Variants in TBC1D2 observed in about 807,000 individuals in gnomAD.
TBC1D2 encodes the protein TBC1 domain family member 2A.
A neutral mutation model predicts 91.1 loss-of-function variants in TBC1D2; 58 were observed. The observed-to-expected ratio is 0.64, with a 90% confidence interval of 0.52 to 0.79. The LOEUF (loss-of-function observed/expected upper bound fraction) is 0.79. TBC1D2 is among the 30% of genes least tolerant of loss of function. The pLI is 0.00. For synonymous variants in TBC1D2, 482 were observed against 511.5 expected (o/e 0.94, Z 0.78); for missense variants, 1,080 against 1,208.3 (o/e 0.89, Z 1.57).
In TBC1D2 at chr9:98,209,159, GCACGTTAGCAA is replaced by G; in HGVS notation, c.1674-26_1674-16del. On this transcript the variant is annotated splice_polypyrimidine_tract_variant and intron_variant, in intron 8 of 12. Coordinates refer to ENST00000465784, the MANE Select transcript of TBC1D2 (RefSeq NM_001267571.2). ...CATCATACTTACTGCCAGCAAAAGT[GCACGTTAGCAA>G]CACCTTGCAGAGCCCTTCCCTAGAT... The G allele has an allele frequency of 6.2e-7, 1 of 1,601,290 alleles. No individual in the cohort carries two copies.
intron 6 of TBC1D2, among the ~76,000 whole-genome samples, chr9:98,218,191 C>A (rs147208824): frequency 1.2e-3 from 188 of 152,156 alleles, no homozygotes; most frequent in African/African-American, 4.4e-3. Flanking sequence ...AAACACTGGG[C>A]CTCTGAGGAT....
chr9:98,247,728 C>CAAAAAAAAAAAA (rs58713846), intron 2 of TBC1D2, among the ~76,000 whole-genome samples: 57 of 70,832 alleles, frequency 8.0e-4, no homozygotes, highest in Middle Eastern at 7.7e-3. Flanking sequence ...GACTCCGTCT[C>CAAAAAAAAAAAA]AAAAAAAAAA....
At position 98,255,553 on chromosome 9, in the gene TBC1D2, G is replaced by A. The variant is rs1287637020; in HGVS notation, c.-12C>T. The A allele has an allele frequency of 1.3e-6, 2 of 1,498,956 alleles. No homozygotes were observed. The highest frequency in any genetic ancestry group is 1.4e-5 in the African/African-American group (1 of 71,592). The allele number at this position is 1,498,956 out of a possible 1,614,324, so 92.9% of individuals were successfully genotyped here. The stretch of plus-strand genomic sequence containing the variant: ...CCAGCGCCCTCCATCGCTGCCAGCC[G>A]GAGACTGCGGAGGGACGAGGGGTCC... On this transcript the variant is annotated 5_prime_UTR_variant, in exon 1 of 13. Transcript: ENST00000465784.
intron 6 of TBC1D2, among the ~76,000 whole-genome samples, chr9:98,219,290 G>C (rs374021846): frequency 6.6e-6 from 1 of 152,256 alleles, no homozygotes; most frequent in East Asian, 1.9e-4. Flanking sequence ...AAAGAGGTCA[G>C]TCTGACTTCA....
At chr9:98,229,402 G>A (rs1829314944) in intron 4 of TBC1D2, among the ~76,000 whole-genome samples, 1 of 152,218 alleles carries the variant, frequency 6.6e-6, no homozygotes, top group Non-Finnish European at 1.5e-5. Flanking sequence ...TTATTGCACT[G>A]TGCTGGCCCA....
At chr9:98,229,237 G>C in intron 4 of TBC1D2, 89 bp from the exon 5 acceptor site, 1 of 1,241,378 alleles carries the variant, frequency 8.1e-7, no homozygotes, top group South Asian at 1.4e-5. Context: ...TGGAGGGCTT[G>C]TTAAAATGCG....
At chr9:98,222,930 T>C (rs1426960973) in intron 5 of TBC1D2, among the ~76,000 whole-genome samples, 1 of 152,166 alleles carries the variant, frequency 6.6e-6, no homozygotes, top group African/African-American at 2.4e-5. Flanking sequence ...CTAGTGACCA[T>C]CCTTTCTCTG....
rs1023675098 is a variant in TBC1D2, at chr9:98,200,151, G to A, written c.2579+102C>T. 30 of 1,497,282 alleles carry A rather than the reference G, an allele frequency of 2.0e-5. No homozygotes were observed. In the Admixed American group the frequency reaches 2.9e-4, roughly 15 times the overall value. The allele number at this position is 1,497,282 out of a possible 1,614,324, so 92.7% of individuals were successfully genotyped here. A position where few individuals can be genotyped will look rare whatever the true frequency, so the allele number is the denominator to read the frequency against. On this transcript the variant is annotated intron_variant, in intron 12 of 12. Coordinates refer to ENST00000465784, the MANE Select transcript of TBC1D2 (RefSeq NM_001267571.2). The stretch of plus-strand genomic sequence containing the variant: ...TCTAAGCTATAATACGAGCATCAGC[G>A]TCACTTACCAATCTCTACTTGGCAA...
Position 98,255,587 on chromosome 9 carries a change from A to T in TBC1D2, c.-46T>A. 6.9e-7 allele frequency: 1 copy of T among 1,453,754 alleles called. No homozygotes were observed. Among genetic ancestry groups the T allele is most frequent in the Middle Eastern group, 2.1e-4 (1 of 4,720 alleles). 90.1% of individuals were successfully genotyped at this position (1,453,754 alleles called of 1,614,324 possible). A position where few individuals can be genotyped will look rare whatever the true frequency, so the allele number is the denominator to read the frequency against. ...GGAGGGACGAGGGGTCCGCGGGACCACCAGGGACAAATCTCGGAGACTCGG... is the reference window on the plus strand; with the variant it reads ...GGAGGGACGAGGGGTCCGCGGGACCTCCAGGGACAAATCTCGGAGACTCGG... On this transcript the variant is annotated 5_prime_UTR_variant, in exon 1 of 13. Transcript: ENST00000465784.
Position 98,237,324 on chromosome 9 carries a change from G to T in TBC1D2, c.648-3775C>A, listed in dbSNP as rs753150932. On this transcript the variant is annotated intron_variant, in intron 3 of 12. Coordinates refer to ENST00000465784, the MANE Select transcript of TBC1D2 (RefSeq NM_001267571.2). ...ATTGCGCCACTGCACTCTAGTCTGG[G>T]TGACAGAGCAAGACTGTCTCAAAAA... is the stretch of plus-strand genomic sequence containing the variant. 5.4e-4 allele frequency among the ~76,000 whole-genome samples: 81 copies of T among 150,046 alleles called. 1 individual carries two copies. Among genetic ancestry groups the T allele is most frequent in the Admixed American group, 1.3e-3 (19 of 15,036 alleles).
chr9:98,220,770 C>A, intron 6 of TBC1D2, 63 bp downstream of exon 6: 2 of 1,584,424 alleles, frequency 1.3e-6, no homozygotes, highest in Non-Finnish European at 1.7e-6. Context: ...GGAGAGCGCA[C>A]CTTCCCTGAG....
chr9:98,227,554 C>T (rs576853936), intron 5 of TBC1D2, among the ~76,000 whole-genome samples: 18 of 152,014 alleles, frequency 1.2e-4, no homozygotes, highest in African/African-American at 3.4e-4. Context: ...GTCAGGAGTT[C>T]GAAACCAGCC....
intron 4 of TBC1D2, among the ~76,000 whole-genome samples, chr9:98,231,325 T>C (rs538664495): frequency 1.4e-5 from 2 of 142,732 alleles, no homozygotes; most frequent in South Asian, 2.2e-4. Context: ...TCATTTAGAG[T>C]CTCAAAAAGA....
intron 6 of TBC1D2, among the ~76,000 whole-genome samples, chr9:98,219,036 A>C (rs1829034591): frequency 6.6e-6 from 1 of 152,236 alleles, no homozygotes; most frequent in Admixed American, 6.5e-5. Context: ...TGCATTGGAA[A>C]GGTTATGTTT....
At position 98,199,331 on chromosome 9, in the gene TBC1D2, G is replaced by T. The variant is rs1348541251; in HGVS notation, c.*50C>A. ...ACTGGTCCGTGCCTGACCTCCAGTGGGTCTGCCAGCCAAGGGTGAGGAAGG... is the reference window on the plus strand; with the variant it reads ...ACTGGTCCGTGCCTGACCTCCAGTGTGTCTGCCAGCCAAGGGTGAGGAAGG... On this transcript the variant is annotated 3_prime_UTR_variant, in exon 13 of 13. Transcript: ENST00000465784. The T allele has an allele frequency of 6.2e-7, 1 of 1,604,440 alleles. No homozygotes were observed. The highest frequency in any genetic ancestry group is 8.5e-7 in the Non-Finnish European group (1 of 1,173,880).
chr9:98,246,617 G>A (rs181791514), intron 2 of TBC1D2, among the ~76,000 whole-genome samples: 233 of 152,232 alleles, frequency 1.5e-3, no homozygotes, highest in African/African-American at 5.6e-3. Context: ...TGCACACCTG[G>A]GGTCAGGTGC....
intron 2 of TBC1D2, among the ~76,000 whole-genome samples, chr9:98,250,582 A>G (rs552763516): frequency 6.6e-6 from 1 of 152,200 alleles, no homozygotes; most frequent in South Asian, 2.1e-4. Context: ...AGTGGGTACA[A>G]GAGGGGAAAT....
intron 11 of TBC1D2, among the ~76,000 whole-genome samples, chr9:98,200,700 C>G (rs1000931557): frequency 1.3e-5 from 2 of 152,134 alleles, no homozygotes; most frequent in African/African-American, 4.8e-5. Context: ...TGTATCTTTA[C>G]GTGGGGCTTT....
chr9:98,241,780 C>A lies in TBC1D2; in HGVS notation c.647+2214G>T, dbSNP rs1588061001. Among the ~76,000 whole-genome samples the A allele has an allele frequency of 2.0e-5, 3 of 152,152 alleles. No homozygotes were observed. In the South Asian group the frequency reaches 6.2e-4, roughly 32 times the overall value. On this transcript the variant is annotated intron_variant, in intron 3 of 12. Transcript: ENST00000465784. The stretch of plus-strand genomic sequence containing the variant: ...TGTAGCTCCTCCCAACAGGTGATCT[C>A]CTGCAGGGTGCCCTCCACATCCACT...
Sources: gnomAD v4.1 joint callset for allele counts (sites outside exome capture counted in the v4.1 genomes callset) on GRCh38, gnomAD v4.1.1 for gene constraint, MANE v1.5 for transcripts, NCBI Gene and HGNC (gene_info 2026-07-23, HGNC 2026-07-21) for gene names.